The following BLM variants were observed in gnomAD, a reference collection of about 807,000 sequenced individuals.
BLM encodes BLM RecQ like helicase.
BLM carries 95 observed loss-of-function variants against 135.3 expected under a neutral mutation model. The observed-to-expected ratio is 0.70, with a 90% confidence interval of 0.59 to 0.83. The LOEUF (loss-of-function observed/expected upper bound fraction) is 0.83. Among genes scored for constraint, BLM ranks in the 40% least tolerant of loss-of-function variants. BLM has a pLI of 0.00. For missense variants in BLM, 1,518 were observed against 1,663.9 expected, an observed-to-expected ratio of 0.91 and a Z score of 1.53; for synonymous variants, 520 against 589.2, an observed-to-expected ratio of 0.88 and a Z score of 1.70.
intron 12 of BLM, among the ~76,000 whole-genome samples, chr15:90,771,595 ATTTTTTTTTTT>A (rs760752305): frequency 1.6e-5 from 2 of 125,300 alleles, no homozygotes; most frequent in East Asian, 2.2e-4. Flanking sequence ...TTGATCTATA[ATTTTTTTTTTT>A]TTTTTTTTTT....
rs1446282153 is a variant in BLM at position 90,815,793 on chromosome 15, CT to C, written c.*515del. On this transcript the variant is annotated 3_prime_UTR_variant, in exon 22 of 22. Coordinates refer to ENST00000355112, the MANE Select transcript of BLM (RefSeq NM_000057.4). The surrounding 1 kb of genome is among the most constrained non-coding windows in gnomAD (Gnocchi z 4.6). ...AGTCTCAGAAGAAGAAATACACATG[CT>C]CATGGCCCGGCACTGTGGCTCACGC... The C allele has an allele frequency of 6.3e-6, 1 of 159,846 alleles. No homozygotes were observed. The highest frequency in any genetic ancestry group is 1.4e-5 in the Non-Finnish European group (1 of 73,382). 9.9% of individuals were successfully genotyped at this position (159,846 alleles called of 1,614,324 possible).
At chr15:90,768,996 G>A in intron 10 of BLM, 137 bp from the exon 11 acceptor site, 5 of 786,478 alleles carry the variant, frequency 6.4e-6, no homozygotes, top group Non-Finnish European at 1.1e-5. Flanking sequence ...AAAGTGCTGG[G>A]ATTACAGGCG....
intron 15 of BLM, 190 bp from the exon 16 acceptor site, chr15:90,793,977 A>C (rs1896966933): frequency 2.5e-6 from 1 of 402,690 alleles, no homozygotes; most frequent in Non-Finnish European, 4.4e-6. Context: ...TTATTCCTAT[A>C]GTACTAAAAT....
Position 90,761,014 on chromosome 15 carries a change from C to G in BLM, c.1641C>G (p.Thr547=). The change falls in exon 7 of 22, where the codon ACC becomes ACG. Residue 547 remains threonine (T), a synonymous_variant. Transcript: ENST00000355112. ...CAATAAATGACTTAGAAAGAGAAACCCAACCTTCCTATGATATTGATAATT... is the reference window on the plus strand; with the variant it reads ...CAATAAATGACTTAGAAAGAGAAACGCAACCTTCCTATGATATTGATAATT... ...TASINDLERE[T]QPSYDIDNFD... The G allele has an allele frequency of 6.2e-7, 1 of 1,606,376 alleles. No homozygotes were observed. Among genetic ancestry groups the G allele is most frequent in the South Asian group, 1.1e-5 (1 of 89,500 alleles).
chr15:90,753,294 TCTGA>T (rs755409381), intron 4 of BLM, among the ~76,000 whole-genome samples: 28 of 152,300 alleles, frequency 1.8e-4, no homozygotes, highest in Non-Finnish European at 3.5e-4. Flanking sequence ...GTCCCACAAT[TCTGA>T]CTGTTTTCTT....
intron 17 of BLM, among the ~76,000 whole-genome samples, chr15:90,800,490 G>A (rs1897137933): frequency 6.6e-6 from 1 of 152,142 alleles, no homozygotes; most frequent in African/African-American, 2.4e-5. Flanking sequence ...AGGCCAGCCT[G>A]ACCAACATGG....
chr15:90,755,869 G>A lies in BLM; in HGVS notation c.1087+931G>A, dbSNP rs542763818. Among the ~76,000 whole-genome samples, 3 of 152,090 alleles carry A rather than the reference G, an allele frequency of 2.0e-5. No individual in the cohort carries two copies. In the South Asian group the frequency reaches 6.2e-4, roughly 32 times the overall value. On this transcript the variant is annotated intron_variant, in intron 5 of 21. Coordinates refer to ENST00000355112, the MANE Select transcript of BLM (RefSeq NM_000057.4). ...CTCTGGATATCTCTGTCGTGCATTC[G>A]AGTCTGAGGGCTGCTGGGCTTTTTT...
At chr15:90,805,059 C>T (rs936775024) in intron 19 of BLM, among the ~76,000 whole-genome samples, 1 of 152,096 alleles carries the variant, frequency 6.6e-6, no homozygotes, top group Non-Finnish European at 1.5e-5. Flanking sequence ...TGGTCTCAAA[C>T]TCCCAACCTC....
Position 90,811,381 on chromosome 15 carries a change from G to T in BLM, c.4051G>T (p.Ala1351Ser). The T allele has an allele frequency of 6.2e-7, 1 of 1,614,174 alleles. No homozygotes were observed. The highest frequency in any genetic ancestry group is 1.6e-4 in the Middle Eastern group (1 of 6,062). The part of the protein sequence containing the change: ...ASQRSKRRKT[A>S]SSGSKAKGGS... Reference sequence around the variant, plus strand: ...CCAAAGGTCTAAGAGGAGAAAAACTGCTTCCAGTGGTTCCAAGGCAAAGGG... The same window carrying T: ...CCAAAGGTCTAAGAGGAGAAAAACTTCTTCCAGTGGTTCCAAGGCAAAGGG... The change falls in exon 21 of 22, where the codon GCT becomes TCT. Residue 1351 changes from alanine to serine, a missense_variant. Transcript: ENST00000355112.
intron 12 of BLM, among the ~76,000 whole-genome samples, chr15:90,775,581 C>T (rs1044755183): frequency 6.6e-6 from 1 of 151,566 alleles, no homozygotes; most frequent in Admixed American, 6.6e-5. Flanking sequence ...TGCAATGACA[C>T]GATCTCTGCA....
rs1338362749 is a variant in BLM at position 90,751,783 on chromosome 15, G to A, written c.800-4G>A. The A allele has an allele frequency of 2.5e-6, 4 of 1,609,044 alleles. No individual in the cohort carries two copies. In the South Asian group the frequency reaches 4.4e-5, roughly 18 times the overall value. ...ATCTATGTTTATCAACTGTTTTACTGTAGATAATAGCGAAAAGAAGAAGAA... is the reference window on the plus strand; with the variant it reads ...ATCTATGTTTATCAACTGTTTTACTATAGATAATAGCGAAAAGAAGAAGAA... On this transcript the variant is annotated splice_region_variant and splice_polypyrimidine_tract_variant and intron_variant, in intron 3 of 21. Coordinates refer to ENST00000355112, the MANE Select transcript of BLM (RefSeq NM_000057.4).
intron 13 of BLM, among the ~76,000 whole-genome samples, chr15:90,784,628 G>A (rs778591636): frequency 4.0e-5 from 6 of 151,470 alleles, no homozygotes; most frequent in Non-Finnish European, 7.4e-5. Context: ...GAGCCACCGC[G>A]CCCGGCCAAG....
chr15:90,803,134 A>G (rs865841538), intron 17 of BLM, among the ~76,000 whole-genome samples: 2 of 150,722 alleles, frequency 1.3e-5, no homozygotes, highest in African/African-American at 2.4e-5. Context: ...CTGCACTCCA[A>G]CCTCCACAAT....
intron 1 of BLM, among the ~76,000 whole-genome samples, chr15:90,735,402 A>G (rs1426031169): frequency 6.6e-6 from 1 of 151,678 alleles, no homozygotes; most frequent in Admixed American, 6.6e-5. Context: ...TAAGAATAGG[A>G]AAACAGAAGA....
chr15:90,760,102 T>G, intron 5 of BLM, 45 bp from the exon 6 acceptor site: 1 of 1,578,688 alleles, frequency 6.3e-7, no homozygotes, highest in Non-Finnish European at 8.7e-7. Context: ...AGACTTTTTT[T>G]TTTTTCCCTC....
chr15:90,799,298 T>G (rs1479246765), intron 17 of BLM, among the ~76,000 whole-genome samples: 1 of 152,040 alleles, frequency 6.6e-6, no homozygotes, highest in Non-Finnish European at 1.5e-5. Context: ...CTTAAAGAGT[T>G]TTTAAAATAA....
chr15:90,754,996 G>A (rs909146560), intron 5 of BLM, 58 bp downstream of exon 5: 13 of 1,590,770 alleles, frequency 8.2e-6, no homozygotes, highest in South Asian at 3.3e-5. Flanking sequence ...TGAAAACAAC[G>A]TAACACAAAG....
rs2151159217 is a variant in BLM, at chr15:90,761,253, C to T, written c.1880C>T (p.Thr627Ile). ...TTCTCAGAGTCAATTCAGAATTATA[C>T]TGGTAAGTTTAAAATAAATTGAATG... The part of the protein sequence containing the change: ...INFSESIQNY[T>I]DKSAQNLASR... The change falls in exon 7 of 22, where the codon ACT (threonine) becomes ATT (isoleucine). Residue 627 changes from threonine to isoleucine, a missense_variant and splice_region_variant. This residue lies in a region of BLM where 724 missense variants were observed against 756.9 expected (regional missense o/e 0.96). Transcript: ENST00000355112. 1 of 1,518,556 alleles carries T rather than the reference C, an allele frequency of 6.6e-7. No individual in the cohort carries two copies. Among genetic ancestry groups the T allele is most frequent in the Non-Finnish European group, 8.8e-7 (1 of 1,133,426 alleles). The allele number at this position is 1,518,556 out of a possible 1,614,324, so 94.1% of individuals were successfully genotyped here. A position where few individuals can be genotyped will look rare whatever the true frequency, so the allele number is the denominator to read the frequency against.
intron 1 of BLM, among the ~76,000 whole-genome samples, chr15:90,717,711 G>A (rs1383257710): frequency 6.6e-6 from 1 of 152,262 alleles, no homozygotes; most frequent in Non-Finnish European, 1.5e-5. Flanking sequence ...GACCTGGCAT[G>A]TTGTTGCCCA....
Sources: allele counts gnomAD v4.1 joint callset (sites outside exome capture counted in the v4.1 genomes callset), GRCh38; gene constraint gnomAD v4.1.1; regional missense constraint gnomAD v4.1.1; non-coding constraint Gnocchi (gnomAD v3.1); transcripts MANE v1.5; gene names NCBI Gene and HGNC (gene_info 2026-07-23, HGNC 2026-07-21).